The following ZNF727 variants were observed in gnomAD, a reference collection of about 807,000 sequenced individuals.
The protein encoded by ZNF727 is zinc finger protein 727, also known as putative zinc finger protein 727.
ZNF727 carries 11 observed loss-of-function variants against 11.5 expected under a neutral mutation model. The ratio of observed to expected loss-of-function variants is 0.95; its 90% CI spans 0.60 to 1.58. The LOEUF (loss-of-function observed/expected upper bound fraction) is 1.58. ZNF727 is among the 40% of genes most tolerant of loss of function. The probability of loss-of-function intolerance (pLI) is 0.00; values close to 1 mark genes in which losing one functional copy is unlikely to be tolerated. For synonymous variants in ZNF727, 171 were observed against 196.1 expected (o/e 0.87, Z 1.07); for missense variants, 533 against 581.7 (o/e 0.92, Z 0.86).
At chr7:64,053,842 G>A (rs915227510) in intron 1 of ZNF727, among the ~76,000 whole-genome samples, 2 of 152,112 alleles carry the variant, frequency 1.3e-5, no homozygotes, top group Non-Finnish European at 2.9e-5. Flanking sequence ...ACTAATACAC[G>A]GAGTGGGCGG....
chr7:64,055,375 A>G (rs10238781), intron 1 of ZNF727, among the ~76,000 whole-genome samples: 96,656 of 151,394 alleles, frequency 0.64, 31,601 homozygotes, highest in Non-Finnish European at 0.71. Flanking sequence ...CCAAGATCAC[A>G]CCACTGCACT....
chr7:64,061,842 T>G (rs1249181685), intron 1 of ZNF727, among the ~76,000 whole-genome samples: 5 of 147,468 alleles, frequency 3.4e-5, no homozygotes, highest in Non-Finnish European at 6.0e-5. Flanking sequence ...TTTTATTTTT[T>G]GATTTTATGT....
chr7:64,068,066 G>A (rs1295526979), intron 1 of ZNF727, among the ~76,000 whole-genome samples: 4 of 152,154 alleles, frequency 2.6e-5, no homozygotes, highest in African/African-American at 9.6e-5. Flanking sequence ...GTTAATCATA[G>A]CACAGTAGTG....
intron 1 of ZNF727, among the ~76,000 whole-genome samples, chr7:64,055,536 C>T (rs1372339883): frequency 1.3e-5 from 2 of 152,140 alleles, no homozygotes; most frequent in Admixed American, 6.5e-5. Flanking sequence ...ATGTATTTCC[C>T]ATTGTCCACT....
At chr7:64,071,447 A>C (rs1347026631) in intron 3 of ZNF727, among the ~76,000 whole-genome samples, 13 of 151,836 alleles carry the variant, frequency 8.6e-5, no homozygotes, top group Non-Finnish European at 1.8e-4. Flanking sequence ...CTTATTTTTA[A>C]ATCTTGTTAT....
At chr7:64,053,306 T>TTTGTTG (rs145016368) in intron 1 of ZNF727, among the ~76,000 whole-genome samples, 2 of 151,740 alleles carry the variant, frequency 1.3e-5, no homozygotes, top group African/African-American at 2.4e-5. Flanking sequence ...TGATAGGTTT[T>TTTGTTG]TTGTTGTTGT....
intron 3 of ZNF727, among the ~76,000 whole-genome samples, chr7:64,072,788 GC>G (rs1789982704): frequency 6.6e-6 from 1 of 152,092 alleles, no homozygotes; most frequent in Non-Finnish European, 1.5e-5. Flanking sequence ...CTGAATGAGG[GC>G]CTGCCTTTTC....
chr7:64,050,071 CTA>C (rs918988300), intron 1 of ZNF727, among the ~76,000 whole-genome samples: 2 of 151,226 alleles, frequency 1.3e-5, no homozygotes, highest in African/African-American at 4.8e-5. Context: ...ATATATTTTT[CTA>C]TATATATATA....
At position 64,084,149 on chromosome 7, in the gene ZNF727, G is replaced by A. The variant is rs1785837524; in HGVS notation, c.*5600G>A. Among the ~76,000 whole-genome samples, 2 of 152,088 alleles carry A rather than the reference G, an allele frequency of 1.3e-5. No individual in the cohort carries two copies. Among genetic ancestry groups the A allele is most frequent in the South Asian group, 2.1e-4 (1 of 4,820 alleles). On this transcript the variant is annotated 3_prime_UTR_variant, in exon 4 of 4. Coordinates refer to ENST00000456806, the MANE Select transcript of ZNF727 (RefSeq NM_001159522.3). ...ACATGAAGAAATTCTAAGTGGAAAG[G>A]CCACTTAGTGGTTGATTTACAACAG...
chr7:64,073,415 A>C (rs1458493622), intron 3 of ZNF727, among the ~76,000 whole-genome samples: 1 of 150,984 alleles, frequency 6.6e-6, no homozygotes, highest in African/African-American at 2.4e-5. Flanking sequence ...TTTTTCAACA[A>C]TTATTTTTCT....
chr7:64,061,455 TC>T (rs1188860675), intron 1 of ZNF727, among the ~76,000 whole-genome samples: 1 of 151,910 alleles, frequency 6.6e-6, no homozygotes, highest in Non-Finnish European at 1.5e-5. Context: ...GTTTTTTTTT[TC>T]TTGAAATCTG....
At position 64,082,055 on chromosome 7, in the gene ZNF727, C is replaced by T. The variant is rs982883037; in HGVS notation, c.*3506C>T. On this transcript the variant is annotated 3_prime_UTR_variant, in exon 4 of 4. Coordinates refer to ENST00000456806, the MANE Select transcript of ZNF727 (RefSeq NM_001159522.3). ...TGGGACCCATGGAGGATGGACTGGC[C>T]CTCTCTCCTTGGGTAAACTACAGCT... Among the ~76,000 whole-genome samples the T allele has an allele frequency of 1.3e-5, 2 of 151,978 alleles. No individual in the cohort carries two copies. Among genetic ancestry groups the T allele is most frequent in the African/African-American group, 4.8e-5 (2 of 41,366 alleles).
chr7:64,068,015 A>C (rs1789898015), intron 1 of ZNF727, among the ~76,000 whole-genome samples: 1 of 152,162 alleles, frequency 6.6e-6, no homozygotes, highest in Admixed American at 6.6e-5. Context: ...ATGTTTCTTC[A>C]TGACTAGGCT....
chr7:64,073,547 T>C (rs1381153846), intron 3 of ZNF727, among the ~76,000 whole-genome samples: 1 of 152,078 alleles, frequency 6.6e-6, no homozygotes, highest in Admixed American at 6.6e-5. Flanking sequence ...TTCTTAAGGA[T>C]TGAGTTTTGG....
chr7:64,051,261 T>C (rs1789593828), intron 1 of ZNF727, among the ~76,000 whole-genome samples: 1 of 152,176 alleles, frequency 6.6e-6, no homozygotes, highest in Non-Finnish European at 1.5e-5. Context: ...CAAGAAATCC[T>C]GTATGACTTT....
intron 1 of ZNF727, among the ~76,000 whole-genome samples, chr7:64,057,101 T>C (rs1456219576): frequency 6.6e-6 from 1 of 152,038 alleles, no homozygotes; most frequent in East Asian, 1.9e-4. Context: ...AGATAAGAAA[T>C]GTTGAAACAG....
intron 1 of ZNF727, among the ~76,000 whole-genome samples, chr7:64,063,795 C>A (rs1450887754): frequency 6.6e-6 from 1 of 152,100 alleles, no homozygotes; most frequent in Admixed American, 6.6e-5. Flanking sequence ...TAGGAATCTA[C>A]TTGGTGCCCT....
In ZNF727 at chr7:64,045,835, A is replaced by G. The variant is rs112317536; in HGVS notation, c.3+211A>G. Reference sequence around the variant, plus strand: ...CGTCTTGTTTTGTCCATAAACGCGAATTTCTTTCCAGCCCAGAGACTTTTT... The same window carrying G: ...CGTCTTGTTTTGTCCATAAACGCGAGTTTCTTTCCAGCCCAGAGACTTTTT... On this transcript the variant is annotated intron_variant, in intron 1 of 3. Coordinates refer to ENST00000456806, the MANE Select transcript of ZNF727 (RefSeq NM_001159522.3). Among the ~76,000 whole-genome samples, 364 of 152,154 alleles carry G rather than the reference A, an allele frequency of 2.4e-3. 1 individual carries two copies. Among genetic ancestry groups the G allele is most frequent in the African/African-American group, 8.4e-3 (348 of 41,518 alleles).
chr7:64,065,114 A>T lies in ZNF727; in HGVS notation c.4-3777A>T, dbSNP rs139381779. Among the ~76,000 whole-genome samples the T allele has an allele frequency of 1.2e-4, 18 of 152,178 alleles. No individual in the cohort carries two copies. The East Asian group carries it at 3.5e-3, about 29-fold the overall frequency. ...GGTTGCTGGAGGGTGCTATTTAGTC[A>T]TCTTGCTCCACTTCCCCCCTGCAGC... On this transcript the variant is annotated intron_variant, in intron 1 of 3. Coordinates refer to ENST00000456806, the MANE Select transcript of ZNF727 (RefSeq NM_001159522.3).
Sources: allele counts gnomAD v4.1 joint callset (sites outside exome capture counted in the v4.1 genomes callset), GRCh38; gene constraint gnomAD v4.1.1; transcripts MANE v1.5; gene names NCBI Gene and HGNC (gene_info 2026-07-23, HGNC 2026-07-21).